The following ACAD8 variants were observed in gnomAD, a reference collection of about 807,000 sequenced individuals.
The protein encoded by ACAD8 is isobutyryl-CoA dehydrogenase, mitochondrial.
In ACAD8, 47 loss-of-function variants were observed where a neutral mutation model predicts 53.1. The observed-to-expected ratio is 0.89, with a 90% CI of 0.70 to 1.13. The LOEUF (loss-of-function observed/expected upper bound fraction) is 1.13, where lower values mean the gene tolerates loss of function less well. Ranked by LOEUF, ACAD8 falls within the 50% of genes most tolerant of loss-of-function variation. The probability of loss-of-function intolerance (pLI) is 0.00; values close to 1 mark genes in which losing one functional copy is unlikely to be tolerated. For missense variants in ACAD8, 494 were observed against 535.0 expected (o/e 0.92, Z 0.76); for synonymous variants, 198 against 201.3 (o/e 0.98, Z 0.14).
intron 6 of ACAD8, chr11:134,260,481 C>T (rs1041568569): frequency 1.9e-4 from 37 of 190,154 alleles, no homozygotes; most frequent in Non-Finnish European, 1.8e-4. Context: ...CAGGATCCTT[C>T]CTGATCCTCT....
Position 134,253,681 on chromosome 11 carries a change from C to A in ACAD8, c.81C>A (p.Gly27=). 1 of 1,600,148 alleles carries A rather than the reference C, an allele frequency of 6.2e-7. No individual in the cohort carries two copies. The highest frequency in any genetic ancestry group is 8.5e-7 in the Non-Finnish European group (1 of 1,174,350). Residue 27 remains glycine, a synonymous_variant, in exon 1 of 11, where the codon GGC becomes GGA. Coordinates refer to ENST00000281182, the MANE Select transcript of ACAD8 (RefSeq NM_014384.3). ...PGGLRVLVQT[G]HRSLTSCIDP... is the part of the protein sequence containing the mutation. The stretch of plus-strand genomic sequence containing the variant: ...GTCTCCGGGTCCTCGTCCAGACCGG[C>A]CACCGGAGCTTGACCTCCTGCATCG...
intron 3 of ACAD8, chr11:134,257,899 G>C (rs12793620): frequency 0.037 from 6,093 of 163,950 alleles, 138 homozygotes; most frequent in African/African-American, 0.047. Context: ...GCCCAGGCTA[G>C]GGTGCAGTGG....
chr11:134,261,553 T>C lies in ACAD8; in HGVS notation c.939+181T>C. On this transcript the variant is annotated intron_variant, in intron 8 of 10. Transcript: ENST00000281182. This position sits in a 1 kb window ranked among gnomAD's most constrained non-coding sequence, Gnocchi z 4.2. ...TGGGATATCTTTAACGATATTAAAG[T>C]GTCGGGTGAGTGAAGTGGACTTAGC... 1 of 1,524,754 alleles carries C rather than the reference T, an allele frequency of 6.6e-7. No homozygotes were observed. Among genetic ancestry groups the C allele is most frequent in the Non-Finnish European group, 8.8e-7 (1 of 1,130,212 alleles). 94.5% of individuals were successfully genotyped at this position (1,524,754 alleles called of 1,614,324 possible).
rs1247017555 is a variant in ACAD8 at position 134,254,107 on chromosome 11, C to T, written c.109+398C>T. Among the ~76,000 whole-genome samples, 5 of 152,166 alleles carry T rather than the reference C, an allele frequency of 3.3e-5. No individual in the cohort carries two copies. The East Asian group carries it at 7.7e-4, about 24-fold the overall frequency. On this transcript the variant is annotated intron_variant, in intron 1 of 10. Coordinates refer to ENST00000281182, the MANE Select transcript of ACAD8 (RefSeq NM_014384.3). ...TCCTGCGGCCGGTCACCCTCGGATG[C>T]TTAGAGAAGTGAAGAAACTTGGGGC...
At chr11:134,255,541 T>C (rs1204106041) in intron 1 of ACAD8, among the ~76,000 whole-genome samples, 1 of 152,222 alleles carries the variant, frequency 6.6e-6, no homozygotes. Context: ...ACAGCAACCC[T>C]TGTACAAAAT....
intron 1 of ACAD8, among the ~76,000 whole-genome samples, chr11:134,256,030 CA>C (rs72144431): frequency 0.37 from 56,556 of 152,162 alleles, 10,759 homozygotes; most frequent in African/African-American, 0.46. Flanking sequence ...CTCACCCTCC[CA>C]AAGTAGCTGG....
Position 134,262,820 on chromosome 11 carries a change from G to T in ACAD8, c.1195+198G>T, listed in dbSNP as rs149141770. On this transcript the variant is annotated intron_variant, in intron 10 of 10. Transcript: ENST00000281182. ...CCAGAGCCGCAGCTTCGTCCCTTTCGGGGGGCCTCAGATCGCTCTGCTGCT... is the reference window on the plus strand; with the variant it reads ...CCAGAGCCGCAGCTTCGTCCCTTTCTGGGGGCCTCAGATCGCTCTGCTGCT... 5.5e-6 allele frequency: 8 copies of T among 1,466,102 alleles called. No homozygotes were observed. The African/African-American group carries it at 9.8e-5, about 18-fold the overall frequency. 90.8% of individuals were successfully genotyped at this position (1,466,102 alleles called of 1,614,324 possible).
intron 2 of ACAD8, 155 bp downstream of exon 2, chr11:134,256,803 GGCATCCTGA>G (rs1231249194): frequency 2.7e-6 from 2 of 734,654 alleles, no homozygotes; most frequent in Non-Finnish European, 4.4e-6. Context: ...TTTCCTAGAA[GGCATCCTGA>G]TCATCTTGTA....
Position 134,258,565 on chromosome 11 carries a change from A to G in ACAD8, c.431A>G (p.Lys144Arg), listed in dbSNP as rs1301535598. ...TTCGGAAATGAGGAACAGAGGCACA[A>G]ATTTTGCCCACCGCTCTGTACCATG... ...DSFGNEEQRH[K>R]FCPPLCTMEK... Residue 144 changes from lysine to arginine, a missense_variant, in exon 4 of 11, where the codon AAA becomes AGA. Transcript: ENST00000281182. The G allele has an allele frequency of 3.1e-6, 5 of 1,613,832 alleles. No homozygotes were observed. Among genetic ancestry groups the G allele is most frequent in the Middle Eastern group, 1.6e-4 (1 of 6,062 alleles).
chr11:134,256,493 C>T (rs1345979308), intron 1 of ACAD8, 55 bp from the exon 2 acceptor site: 2 of 1,439,750 alleles, frequency 1.4e-6, no homozygotes, highest in Non-Finnish European at 2.0e-6. Flanking sequence ...GTTGGCAACA[C>T]CTTGTTGGCA....
In ACAD8 at chr11:134,257,076, T is replaced by C. The variant is rs776957552; in HGVS notation, c.211-12T>C. 3 of 1,614,016 alleles carry C rather than the reference T, an allele frequency of 1.9e-6. No individual in the cohort carries two copies. The Admixed American group carries it at 5.0e-5, about 27-fold the overall frequency. On this transcript the variant is annotated splice_polypyrimidine_tract_variant and intron_variant, in intron 2 of 10. Transcript: ENST00000281182. Reference sequence around the variant, plus strand: ...ATCAGCTGCTGATCACCCTGCTCTCTTTTGTACATAGGAGCTGTTCCCAGT... The same window carrying C: ...ATCAGCTGCTGATCACCCTGCTCTCCTTTGTACATAGGAGCTGTTCCCAGT...
Position 134,253,570 on chromosome 11 carries a change from A to G in ACAD8, c.-31A>G. The G allele has an allele frequency of 1.9e-6, 3 of 1,551,402 alleles. No homozygotes were observed. Among genetic ancestry groups the G allele is most frequent in the Admixed American group, 3.8e-5 (2 of 52,342 alleles). ...CGCAACGGAGGTCGAAGGCGTTCAG[A>G]CTCTTAGCTGAACGCGGAGCTGCGG... On this transcript the variant is annotated 5_prime_UTR_variant, in exon 1 of 11. Transcript: ENST00000281182.
chr11:134,259,215 C>G (rs745622900), intron 5 of ACAD8, 131 bp downstream of exon 5: 1 of 811,730 alleles, frequency 1.2e-6, no homozygotes, highest in Non-Finnish European at 2.1e-6. Flanking sequence ...GAACCTCTGA[C>G]CCATTTCTCT....
intron 4 of ACAD8, 175 bp downstream of exon 4, chr11:134,258,799 TG>T: frequency 1.4e-6 from 1 of 731,838 alleles, no homozygotes; most frequent in African/African-American, 1.7e-5. Context: ...GAAGCCTATC[TG>T]GTGTGTTGGG....
intron 3 of ACAD8, 22 bp downstream of exon 3, chr11:134,257,279 G>C: frequency 4.3e-6 from 7 of 1,613,682 alleles, no homozygotes; most frequent in South Asian, 1.1e-5. Flanking sequence ...AGCTTGGAAG[G>C]CACAATGAAG....
chr11:134,262,781 C>T, intron 10 of ACAD8, 159 bp downstream of exon 10: 1 of 1,498,546 alleles, frequency 6.7e-7, no homozygotes, highest in Middle Eastern at 1.7e-4. Flanking sequence ...GCTGTTCTGG[C>T]AGGGGCCTGG....
At chr11:134,264,444 G>T (rs1486009238) in intron 10 of ACAD8, among the ~76,000 whole-genome samples, 1 of 152,174 alleles carries the variant, frequency 6.6e-6, no homozygotes, top group Admixed American at 6.5e-5. Context: ...CTTGAACCTG[G>T]GGGGCGGAGG....
At chr11:134,255,484 C>A (rs1939474311) in intron 1 of ACAD8, among the ~76,000 whole-genome samples, 1 of 152,170 alleles carries the variant, frequency 6.6e-6, no homozygotes, top group Non-Finnish European at 1.5e-5. Flanking sequence ...AGTAAACACC[C>A]AATAAACATT....
At chr11:134,259,836 C>T in intron 6 of ACAD8, 91 bp downstream of exon 6, 1 of 1,598,510 alleles carries the variant, frequency 6.3e-7, no homozygotes, top group Non-Finnish European at 8.5e-7. Flanking sequence ...AACAGGTTTG[C>T]ATACTTGCTA....
Sources: allele counts gnomAD v4.1 joint callset (sites outside exome capture counted in the v4.1 genomes callset), GRCh38; gene constraint gnomAD v4.1.1; non-coding constraint Gnocchi (gnomAD v3.1); transcripts MANE v1.5; gene names NCBI Gene and HGNC (gene_info 2026-07-23, HGNC 2026-07-21).